The following RORA variants were observed in gnomAD, a reference collection of about 807,000 sequenced individuals.
The protein encoded by RORA is nuclear receptor ROR-alpha.
RORA carries 7 observed loss-of-function variants against 69.5 expected under a neutral mutation model. That is an observed-to-expected ratio of 0.10 (90% CI 0.06 to 0.19). The LOEUF is 0.19. Among genes scored for constraint, RORA ranks in the 10% least tolerant of loss-of-function variants. RORA has a pLI of 1.00. For synonymous variants in RORA, 261 were observed against 240.8 expected (o/e 1.08, Z -0.78); for missense variants, 457 against 663.0 (o/e 0.69, Z 3.41).
chr15:61,106,043 AGACCCTGGAGG>A (rs2078945669), intron 1 of RORA, among the ~76,000 whole-genome samples: 1 of 152,246 alleles, frequency 6.6e-6, no homozygotes. Context: ...GGTGTCAGGC[AGACCCTGGAGG>A]TAGGTCTGCT....
At chr15:61,090,816 C>T (rs1477377296) in intron 1 of RORA, among the ~76,000 whole-genome samples, 4 of 152,180 alleles carry the variant, frequency 2.6e-5, no homozygotes, top group African/African-American at 9.7e-5. Flanking sequence ...TGTGATCTGC[C>T]ACTGTTATTC....
At chr15:60,632,348 C>T (rs2069757488) in intron 2 of RORA, among the ~76,000 whole-genome samples, 1 of 152,096 alleles carries the variant, frequency 6.6e-6, no homozygotes, top group Non-Finnish European at 1.5e-5. Flanking sequence ...ACCTCGTGAT[C>T]TGCCCGCCTC....
intron 2 of RORA, chr15:60,592,642 GA>G: frequency 8.8e-7 from 1 of 1,133,588 alleles, no homozygotes; most frequent in Non-Finnish European, 1.1e-6. Context: ...CGGGAGGCGG[GA>G]GGCGGGAGGC....
intron 1 of RORA, among the ~76,000 whole-genome samples, chr15:61,093,720 T>C (rs181742512): frequency 1.3e-5 from 2 of 152,246 alleles, no homozygotes; most frequent in Non-Finnish European, 2.9e-5. Flanking sequence ...GCTGTTCTCA[T>C]GACCCATAAC....
At chr15:61,103,981 T>C (rs991347674) in intron 1 of RORA, among the ~76,000 whole-genome samples, 4 of 152,204 alleles carry the variant, frequency 2.6e-5, no homozygotes, top group African/African-American at 9.7e-5. Context: ...TTTAATTTCC[T>C]TGGCAACTAT....
chr15:60,866,911 G>C (rs999235641), intron 1 of RORA, among the ~76,000 whole-genome samples: 45 of 151,892 alleles, frequency 3.0e-4, no homozygotes, highest in African/African-American at 1.1e-3. Context: ...TGTCATCCAG[G>C]CTGGAGGGCA....
chr15:60,785,641 G>A (rs1303129353), intron 1 of RORA, among the ~76,000 whole-genome samples: 1 of 152,134 alleles, frequency 6.6e-6, no homozygotes, highest in Admixed American at 6.5e-5. Flanking sequence ...ACGTTTCAGG[G>A]CTGCAGCCTC....
At chr15:60,843,033 T>G (rs1428349491) in intron 1 of RORA, among the ~76,000 whole-genome samples, 1 of 152,116 alleles carries the variant, frequency 6.6e-6, no homozygotes, top group Non-Finnish European at 1.5e-5. Flanking sequence ...ACACCCCTCG[T>G]GAAACTCCAT....
chr15:61,076,911 C>T (rs145389903), intron 1 of RORA, among the ~76,000 whole-genome samples: 5 of 151,486 alleles, frequency 3.3e-5, no homozygotes, highest in East Asian at 3.9e-4. Flanking sequence ...TTTCACTCTA[C>T]CCCCTCTCCC....
chr15:60,778,708 C>CA (rs975104699), intron 1 of RORA, among the ~76,000 whole-genome samples: 1 of 152,130 alleles, frequency 6.6e-6, no homozygotes, highest in African/African-American at 2.4e-5. Flanking sequence ...CTTCCCAGTT[C>CA]AAAGAACTGC....
chr15:61,107,758 T>A (rs2078965547), intron 1 of RORA, among the ~76,000 whole-genome samples: 1 of 152,050 alleles, frequency 6.6e-6, no homozygotes, highest in African/African-American at 2.4e-5. Flanking sequence ...ATGCTTCTTT[T>A]TCTCTCTTTC....
intron 1 of RORA, among the ~76,000 whole-genome samples, chr15:61,058,823 G>T (rs549613771): frequency 6.6e-6 from 1 of 152,214 alleles, no homozygotes; most frequent in East Asian, 1.9e-4. Context: ...CTATGTTATC[G>T]GCCTTTCTAT....
chr15:60,977,271 G>C (rs1309664201), intron 1 of RORA, among the ~76,000 whole-genome samples: 1 of 152,072 alleles, frequency 6.6e-6, no homozygotes, highest in Non-Finnish European at 1.5e-5. Context: ...AGTGTTATAA[G>C]ATTAGACAAG....
In RORA at chr15:61,069,816, T is replaced by C. The variant is rs192355155; in HGVS notation, c.166+159237A>G. 2.0e-4 allele frequency among the ~76,000 whole-genome samples: 31 copies of C among 152,246 alleles called. No homozygotes were observed. In the East Asian group the frequency reaches 6.0e-3, roughly 29 times the overall value. On this transcript the variant is annotated intron_variant, in intron 1 of 10. Transcript: ENST00000335670. ...GAGGTATGTCTACTGAAACCGAAGA[T>C]AGATTTAAAACGAACTCCTCCACCT...
At chr15:60,529,506 A>T (rs1567063522) in intron 3 of RORA, 1 of 152,210 alleles carries the variant, frequency 6.6e-6, no homozygotes, top group Non-Finnish European at 1.5e-5. Flanking sequence ...TAATAAAATT[A>T]TGTTTTATTT....
chr15:61,127,817 C>T (rs2079156344), intron 1 of RORA, among the ~76,000 whole-genome samples: 1 of 152,144 alleles, frequency 6.6e-6, no homozygotes, highest in African/African-American at 2.4e-5. Flanking sequence ...ATTCACCCGT[C>T]CAGTTCTCCG....
At chr15:61,174,384 A>G (rs1048610546) in intron 1 of RORA, among the ~76,000 whole-genome samples, 5 of 152,016 alleles carry the variant, frequency 3.3e-5, no homozygotes, top group Admixed American at 2.0e-4. Context: ...TTAGCCAACC[A>G]CTGGCCATAG....
At chr15:60,595,672 T>G (rs1244933664) in intron 2 of RORA, among the ~76,000 whole-genome samples, 1 of 136,730 alleles carries the variant, frequency 7.3e-6, no homozygotes, top group Non-Finnish European at 1.5e-5. Context: ...TTTTTCTTTT[T>G]ACCAAGTGTT....
At position 60,908,749 on chromosome 15, in the gene RORA, C is replaced by G. The variant is rs535026483; in HGVS notation, c.167-230063G>C. Among the ~76,000 whole-genome samples, 3 of 152,222 alleles carry G rather than the reference C, an allele frequency of 2.0e-5. No homozygotes were observed. The South Asian group carries it at 6.2e-4, about 32-fold the overall frequency. ...GCAGGCTAAATATTAAGCTTATTACCCCCACAGAAAGCGTGGTTCTGCCAA... is the reference window on the plus strand; with the variant it reads ...GCAGGCTAAATATTAAGCTTATTACGCCCACAGAAAGCGTGGTTCTGCCAA... On this transcript the variant is annotated intron_variant, in intron 1 of 10. Coordinates refer to ENST00000335670, the MANE Select transcript of RORA (RefSeq NM_134261.3).
Sources: allele counts gnomAD v4.1 joint callset (sites outside exome capture counted in the v4.1 genomes callset), GRCh38; gene constraint gnomAD v4.1.1; transcripts MANE v1.5; gene names NCBI Gene and HGNC (gene_info 2026-07-23, HGNC 2026-07-21).